DEPDC1: variants seen among roughly 807,000 people sequenced by gnomAD.
DEPDC1 encodes DEP domain-containing protein 1A.
Under a neutral mutation model 86.8 loss-of-function variants are expected in DEPDC1, and 66 were observed. The observed-to-expected ratio is 0.76, with a 90% confidence interval of 0.62 to 0.93. DEPDC1 has a LOEUF of 0.93. DEPDC1 is among the 40% of genes least tolerant of loss of function. The probability of loss-of-function intolerance (pLI) is 0.00; values close to 1 mark genes in which losing one functional copy is unlikely to be tolerated. For missense variants in DEPDC1, 792 were observed against 935.7 expected (o/e 0.85, Z 2.00); for synonymous variants, 255 against 314.9 (o/e 0.81, Z 2.02).
intron 9 of DEPDC1, among the ~76,000 whole-genome samples, chr1:68,480,599 G>A (rs570322292): frequency 1.3e-5 from 2 of 151,898 alleles, no homozygotes; most frequent in South Asian, 2.1e-4. Context: ...AATTTCTCTT[G>A]GAGGTCCTAT....
Position 68,494,503 on chromosome 1 carries a change from T to C in DEPDC1, c.241A>G (p.Lys81Glu), listed in dbSNP as rs539974543. Reference protein sequence around the residue: ...QTIQLLRKFLKNHVIEDIKGR... With the variant: ...QTIQLLRKFLENHVIEDIKGR... ...TTGATATCTTCAATTACATGATTCT[T>C]AAGAAATTTCCTCAACAGTTGGATA... Residue 81 changes from lysine to glutamate, a missense_variant, in exon 2 of 12, where the codon AAG becomes GAG. Lys to Glu is a moderately conservative substitution (Grantham distance 56). Transcript: ENST00000456315. The C allele has an allele frequency of 2.5e-5, 40 of 1,613,650 alleles. No homozygotes were observed. The highest frequency in any genetic ancestry group is 8.3e-5 in the Admixed American group (5 of 59,994).
intron 5 of DEPDC1, 46 bp downstream of exon 5, chr1:68,488,328 C>A: frequency 6.5e-7 from 1 of 1,537,308 alleles, no homozygotes; most frequent in Admixed American, 2.2e-5. Flanking sequence ...TAGCTGCAAC[C>A]TTGTTGGCAA....
At position 68,482,893 on chromosome 1, in the gene DEPDC1, AACAACT is replaced by A; in HGVS notation, c.911-2_914del. 6.4e-7 allele frequency: 1 copy of A among 1,553,678 alleles called. No individual in the cohort carries two copies. Reference sequence around the variant, plus strand: ...TATCTGAAACTGTGATGTAGCCACAAACAACTACCAGGAAATGAAACAAAAATTAAG... The same window carrying A: ...TATCTGAAACTGTGATGTAGCCACAAACCAGGAAATGAAACAAAAATTAAG... On this transcript the variant is annotated splice_acceptor_variant and coding_sequence_variant, in exon 8 of 12. Transcript: ENST00000456315. LOFTEE classifies it high-confidence loss of function.
At chr1:68,478,216 T>C (rs1284754950) in intron 10 of DEPDC1, among the ~76,000 whole-genome samples, 1 of 151,956 alleles carries the variant, frequency 6.6e-6, no homozygotes, top group Non-Finnish European at 1.5e-5. Flanking sequence ...TTCTTCATCA[T>C]TAAAATGGAA....
intron 4 of DEPDC1, 70 bp from the exon 5 acceptor site, chr1:68,488,574 A>C: frequency 7.8e-7 from 1 of 1,281,766 alleles, no homozygotes; most frequent in Non-Finnish European, 1.1e-6. Flanking sequence ...TGACTAGTAA[A>C]CAAAGCCATC....
rs913770247 is a variant in DEPDC1 at position 68,477,826 on chromosome 1, C to A, written c.2259G>T (p.Arg753Ser). 1.3e-6 allele frequency: 2 copies of A among 1,555,850 alleles called. No individual in the cohort carries two copies. The highest frequency in any genetic ancestry group is 1.9e-5 in the Admixed American group (1 of 53,954). Reference protein sequence around the residue: ...AELLENIIKNRSLPLKEKRKK... With the variant: ...AELLENIIKNSSLPLKEKRKK... Reference sequence around the variant, plus strand: ...TTCTTTTCTCCTTTAGAGGTAAACTCCTGTTTTTAATAATATTTTCTAAAA... The same window carrying A: ...TTCTTTTCTCCTTTAGAGGTAAACTACTGTTTTTAATAATATTTTCTAAAA... Residue 753 changes from arginine (R) to serine (S), a missense_variant, in exon 11 of 12, where the codon AGG becomes AGT. Arg to Ser is a moderately radical substitution (Grantham distance 110). Transcript: ENST00000456315.
At chr1:68,479,062 C>T (rs1468430586) in intron 10 of DEPDC1, 82 bp downstream of exon 10, 2 of 1,247,896 alleles carry the variant, frequency 1.6e-6, no homozygotes, top group African/African-American at 1.5e-5. Flanking sequence ...ATAAAGTCTC[C>T]CTTTTTGATT....
intron 9 of DEPDC1, 105 bp downstream of exon 9, chr1:68,481,335 G>C: frequency 9.9e-7 from 1 of 1,008,334 alleles, no homozygotes; most frequent in East Asian, 2.6e-5. Context: ...TAAGAATCTA[G>C]CACTTTAAGA....
chr1:68,482,027 T>C lies in DEPDC1; in HGVS notation c.1762+19A>G, dbSNP rs758311460. The C allele has an allele frequency of 2.5e-5, 38 of 1,546,528 alleles. No homozygotes were observed. The highest frequency in any genetic ancestry group is 4.2e-5 in the African/African-American group (3 of 72,232). On this transcript the variant is annotated intron_variant, in intron 8 of 11. Coordinates refer to ENST00000456315, the MANE Select transcript of DEPDC1 (RefSeq NM_001114120.3). ...ACACTCAAAGTTAATATTGCATGCA[T>C]TGAAAGCAACAGCCTTACTTTGTGT...
At chr1:68,484,144 A>G in intron 6 of DEPDC1, 54 bp from the exon 7 acceptor site, 2 of 1,304,050 alleles carry the variant, frequency 1.5e-6, no homozygotes, top group Non-Finnish European at 2.1e-6. Flanking sequence ...TTTAAATACA[A>G]TTTTTAAACA....
intron 3 of DEPDC1, 139 bp from the exon 4 acceptor site, chr1:68,489,173 G>A: frequency 1.6e-6 from 1 of 644,310 alleles, no homozygotes; most frequent in Non-Finnish European, 2.6e-6. Flanking sequence ...TGGTAATGGA[G>A]TTTTTAATTT....
At chr1:68,493,485 A>T (rs1343497159) in intron 2 of DEPDC1, among the ~76,000 whole-genome samples, 1 of 152,190 alleles carries the variant, frequency 6.6e-6, no homozygotes, top group African/African-American at 2.4e-5. Context: ...TAAGTTTACT[A>T]GCCTGACAAA....
rs1646117791 is a variant in DEPDC1 at position 68,476,743 on chromosome 1, G to A, written c.*189C>T. ...TATTTGGTATCATCTATTGTTATGT[G>A]CTCTCAATTGAGATCTAGTTAGTTT... On this transcript the variant is annotated 3_prime_UTR_variant, in exon 12 of 12. Transcript: ENST00000456315. 1 of 500,768 alleles carries A rather than the reference G, an allele frequency of 2.0e-6. No individual in the cohort carries two copies. Among genetic ancestry groups the A allele is most frequent in the Non-Finnish European group, 3.5e-6 (1 of 286,990 alleles). 31.0% of individuals were successfully genotyped at this position (500,768 alleles called of 1,614,324 possible). A position where few individuals can be genotyped will look rare whatever the true frequency, so the allele number is the denominator to read the frequency against.
chr1:68,483,912 T>C (rs567939658), intron 7 of DEPDC1, 38 bp downstream of exon 7: 30 of 1,283,228 alleles, frequency 2.3e-5, no homozygotes, highest in Non-Finnish European at 2.9e-5. Context: ...TTGAAAACTT[T>C]AACAAAATGA....
chr1:68,481,729 C>T (rs1300796014), intron 8 of DEPDC1, 117 bp from the exon 9 acceptor site: 4 of 859,720 alleles, frequency 4.7e-6, no homozygotes, highest in Non-Finnish European at 6.7e-6. Flanking sequence ...CATCTTTTAA[C>T]TATTTCTAGA....
chr1:68,483,539 A>T, intron 7 of DEPDC1: 1 of 320,574 alleles, frequency 3.1e-6, no homozygotes, highest in South Asian at 2.6e-5. Context: ...AGGCTGAGGG[A>T]GTTTTCTAGG....
Position 68,484,063 on chromosome 1 carries a change from G to A in DEPDC1, c.797C>T (p.Pro266Leu). Residue 266 changes from proline (P) to leucine (L), a missense_variant, in exon 7 of 12, where the codon CCA (proline) becomes CTA (leucine). Coordinates refer to ENST00000456315, the MANE Select transcript of DEPDC1 (RefSeq NM_001114120.3). ...ATCTCGTTCAAATCCAACATAAGTT[G>A]GATTATTCATATCATTGCTTCTTGG... ...NWPRSNDMNN[P>L]TYVGFERDVF... 6.3e-7 allele frequency: 1 copy of A among 1,577,840 alleles called. No individual in the cohort carries two copies. Among genetic ancestry groups the A allele is most frequent in the Non-Finnish European group, 8.6e-7 (1 of 1,166,750 alleles).
chr1:68,484,032 G>C lies in DEPDC1; in HGVS notation c.828C>G (p.Phe276Leu). 6.3e-7 allele frequency: 1 copy of C among 1,584,524 alleles called. No homozygotes were observed. The highest frequency in any genetic ancestry group is 8.6e-7 in the Non-Finnish European group (1 of 1,166,242). ...CTAGAAAATAATCTGCGATTGTTCT[G>C]AATACATCTCGTTCAAATCCAACAT... ...PTYVGFERDV[F>L]RTIADYFLDL... is the part of the protein sequence containing the mutation. The change falls in exon 7 of 12, where the codon TTC becomes TTG. Residue 276 changes from phenylalanine to leucine, a missense_variant. Transcript: ENST00000456315.
chr1:68,494,382 T>C (rs774884141), intron 2 of DEPDC1, 48 bp downstream of exon 2: 23 of 1,529,188 alleles, frequency 1.5e-5, no homozygotes, highest in Non-Finnish European at 2.0e-5. Flanking sequence ...TAAGTAGAGA[T>C]AAAACTTTAC....
Sources: gnomAD v4.1 joint callset for allele counts (sites outside exome capture counted in the v4.1 genomes callset) on GRCh38, gnomAD v4.1.1 for gene constraint, MANE v1.5 for transcripts, NCBI Gene and HGNC (gene_info 2026-07-23, HGNC 2026-07-21) for gene names.